The following PSMD14 variants were observed in gnomAD, a reference collection of about 807,000 sequenced individuals.
PSMD14 encodes the protein ubiquitin C-terminal hydrolase PSMD14.
A neutral mutation model predicts 41.2 loss-of-function variants in PSMD14; 7 were observed. The observed-to-expected ratio is 0.17, with a 90% confidence interval of 0.10 to 0.32. The LOEUF is 0.32. PSMD14 is among the 10% of genes least tolerant of loss of function. The pLI is 1.00. For missense variants in PSMD14, 139 were observed against 375.6 expected (o/e 0.37, Z 5.21); for synonymous variants, 114 against 122.3 (o/e 0.93, Z 0.45).
At chr2:161,348,263 A>G (rs1181234284) in intron 3 of PSMD14, among the ~76,000 whole-genome samples, 1 of 152,204 alleles carries the variant, frequency 6.6e-6, no homozygotes, top group Non-Finnish European at 1.5e-5. Context: ...TTTTCTTTAA[A>G]GGGCTAGATA....
chr2:161,315,533 A>G (rs1689137524), intron 1 of PSMD14, among the ~76,000 whole-genome samples: 1 of 152,180 alleles, frequency 6.6e-6, no homozygotes. Flanking sequence ...TTTTTGAAAG[A>G]TGGGTCAGTG....
At chr2:161,312,593 A>G (rs1173938161) in intron 1 of PSMD14, among the ~76,000 whole-genome samples, 5 of 152,218 alleles carry the variant, frequency 3.3e-5, no homozygotes. Flanking sequence ...TTAGGATTCT[A>G]AATATTATTG....
intron 3 of PSMD14, 82 bp downstream of exon 3, chr2:161,318,955 C>G: frequency 8.8e-7 from 1 of 1,137,906 alleles, no homozygotes; most frequent in Admixed American, 2.4e-5. Context: ...AGAAATTATC[C>G]CCAAGAAAAT....
rs776291188 is a variant in PSMD14 at position 161,411,420 on chromosome 2, A to T, written c.*20A>T. ...AAATAAAGCAACGAAAAACGCTATT[A>T]ATGATGCCTTCAGTGTATATTCCTC... On this transcript the variant is annotated 3_prime_UTR_variant, in exon 12 of 12. Coordinates refer to ENST00000409682, the MANE Select transcript of PSMD14 (RefSeq NM_005805.6). 6.6e-7 allele frequency: 1 copy of T among 1,522,902 alleles called. No individual in the cohort carries two copies. Among genetic ancestry groups the T allele is most frequent in the Non-Finnish European group, 9.1e-7 (1 of 1,104,134 alleles). 94.3% of individuals were successfully genotyped at this position (1,522,902 alleles called of 1,614,324 possible).
At chr2:161,363,421 G>A (rs1348872907) in intron 3 of PSMD14, among the ~76,000 whole-genome samples, 6 of 151,918 alleles carry the variant, frequency 3.9e-5, no homozygotes, top group African/African-American at 1.2e-4. Context: ...TTTTACCCTT[G>A]TTTCTCCTAG....
intron 10 of PSMD14, among the ~76,000 whole-genome samples, chr2:161,402,330 A>T (rs1482788759): frequency 6.6e-6 from 1 of 152,218 alleles, no homozygotes; most frequent in East Asian, 1.9e-4. Context: ...GGTATCTGAT[A>T]AAGGTCTAAT....
At chr2:161,328,568 G>A (rs1256157475) in intron 3 of PSMD14, among the ~76,000 whole-genome samples, 6 of 152,086 alleles carry the variant, frequency 3.9e-5, no homozygotes, top group African/African-American at 1.4e-4. Flanking sequence ...CTAGTCACAT[G>A]TTTGTTAAGT....
chr2:161,390,126 C>G (rs530560375), intron 8 of PSMD14, among the ~76,000 whole-genome samples: 7 of 151,716 alleles, frequency 4.6e-5, no homozygotes, highest in African/African-American at 1.7e-4. Flanking sequence ...CAGATACTAG[C>G]TGCTCATTAA....
At chr2:161,403,150 A>G (rs549850502) in intron 10 of PSMD14, among the ~76,000 whole-genome samples, 2 of 152,368 alleles carry the variant, frequency 1.3e-5, no homozygotes, top group South Asian at 2.1e-4. Context: ...CCAAATGTCT[A>G]TCAGTAGATG....
chr2:161,376,140 G>A (rs1410876547), intron 7 of PSMD14, among the ~76,000 whole-genome samples: 1 of 149,908 alleles, frequency 6.7e-6, no homozygotes, highest in African/African-American at 2.4e-5. Flanking sequence ...CATATAGAGA[G>A]AGAGGGCATA....
chr2:161,407,671 A>C (rs1392510332), intron 10 of PSMD14: 1 of 152,106 alleles, frequency 6.6e-6, no homozygotes, highest in Admixed American at 6.5e-5. Context: ...GCACATGAAG[A>C]AATTTGGCAG....
intron 9 of PSMD14, among the ~76,000 whole-genome samples, chr2:161,393,089 C>T (rs1330086655): frequency 6.6e-6 from 1 of 152,122 alleles, no homozygotes; most frequent in Non-Finnish European, 1.5e-5. Flanking sequence ...AAAGCTCTGC[C>T]TTTACTCTTA....
At chr2:161,398,167 G>T (rs1683826498) in intron 10 of PSMD14, among the ~76,000 whole-genome samples, 4 of 152,090 alleles carry the variant, frequency 2.6e-5, no homozygotes, top group African/African-American at 7.2e-5. Context: ...TGTAAGCTGT[G>T]ATATGAAAGA....
chr2:161,314,884 T>G (rs1274441865), intron 1 of PSMD14, among the ~76,000 whole-genome samples: 1 of 152,200 alleles, frequency 6.6e-6, no homozygotes, highest in Non-Finnish European at 1.5e-5. Context: ...TACATGAACT[T>G]ATTTTGAGTA....
At chr2:161,392,515 G>A (rs951171119) in intron 9 of PSMD14, among the ~76,000 whole-genome samples, 4 of 152,042 alleles carry the variant, frequency 2.6e-5, no homozygotes, top group African/African-American at 9.7e-5. Flanking sequence ...CTGGGGGGGA[G>A]GATGTGCAAT....
At chr2:161,359,324 A>G (rs977181747) in intron 3 of PSMD14, among the ~76,000 whole-genome samples, 3 of 152,184 alleles carry the variant, frequency 2.0e-5, no homozygotes, top group Admixed American at 6.5e-5. Context: ...TTATATGCTT[A>G]TATATATGCA....
intron 11 of PSMD14, chr2:161,409,755 CTT>C (rs1435976346): frequency 6.6e-6 from 1 of 152,102 alleles, no homozygotes; most frequent in East Asian, 1.9e-4. Flanking sequence ...AAAGGTCTGA[CTT>C]TATCATATGT....
chr2:161,388,109 T>G (rs184077905), intron 8 of PSMD14, among the ~76,000 whole-genome samples: 96 of 152,240 alleles, frequency 6.3e-4, no homozygotes, highest in African/African-American at 2.3e-3. Flanking sequence ...TTTTGGATTC[T>G]TAAGTGTCAC....
At chr2:161,341,244 C>T in intron 3 of PSMD14, 24 of 997,516 alleles carry the variant, frequency 2.4e-5, no homozygotes, top group Non-Finnish European at 2.9e-5. Flanking sequence ...CGCCCCACGC[C>T]GCACCAGTAG....
Sources: allele counts gnomAD v4.1 joint callset (sites outside exome capture counted in the v4.1 genomes callset), GRCh38; gene constraint gnomAD v4.1.1; transcripts MANE v1.5; gene names NCBI Gene and HGNC (gene_info 2026-07-23, HGNC 2026-07-21).